PAX1: variants seen among roughly 807,000 people sequenced by gnomAD.
PAX1 encodes the protein paired box 1, also known as paired box protein Pax-1.
In PAX1, 18 loss-of-function variants were observed where a neutral mutation model predicts 35.6. The observed-to-expected ratio is 0.50, with a 90% CI of 0.35 to 0.75. The LOEUF is 0.75. PAX1 is among the 30% of genes least tolerant of loss of function. The pLI, the probability that PAX1 is intolerant of heterozygous loss-of-function variation, is 0.01. For missense variants in PAX1, 760 were observed against 661.5 expected, an observed-to-expected ratio of 1.15 and a Z score of -1.63; for synonymous variants, 397 against 305.2, an observed-to-expected ratio of 1.30 and a Z score of -3.14.
chr20:21,708,050 G>C (rs993139148), intron 2 of PAX1, among the ~76,000 whole-genome samples: 2 of 152,240 alleles, frequency 1.3e-5, no homozygotes, highest in African/African-American at 4.8e-5. Context: ...GCACACACAA[G>C]GGCCCGGGGA....
Position 21,706,343 on chromosome 20 carries a change from C to A in PAX1, c.287-95C>A. 6.6e-7 allele frequency: 1 copy of A among 1,516,566 alleles called. No homozygotes were observed. The highest frequency in any genetic ancestry group is 9.1e-7 in the Non-Finnish European group (1 of 1,104,244). 93.9% of individuals were successfully genotyped at this position (1,516,566 alleles called of 1,614,324 possible). A position where few individuals can be genotyped will look rare whatever the true frequency, so the allele number is the denominator to read the frequency against. On this transcript the variant is annotated intron_variant, in intron 1 of 4. Coordinates refer to ENST00000613128, the MANE Select transcript of PAX1 (RefSeq NM_001257096.2). This position sits in a 1 kb window ranked among gnomAD's most constrained non-coding sequence, Gnocchi z 5.3. ...CCCACAGGTCACCTTTGGAAGTGCG[C>A]CTGGGTGCAGTCCCTCGCTCCGCGT...
Position 21,714,699 on chromosome 20 carries a change from G to C in PAX1, c.*137G>C. On this transcript the variant is annotated 3_prime_UTR_variant, in exon 5 of 5. Transcript: ENST00000613128. The stretch of plus-strand genomic sequence containing the variant: ...GGAGGAAGCCAGTGCCGGCCCGCGG[G>C]GTGCACGCCCAGCCAGCCCCCAGGC... 1 of 1,606,186 alleles carries C rather than the reference G, an allele frequency of 6.2e-7. No individual in the cohort carries two copies. The highest frequency in any genetic ancestry group is 8.5e-7 in the Non-Finnish European group (1 of 1,179,512).
At position 21,708,525 on chromosome 20, in the gene PAX1, G is replaced by A. The variant is rs541258320; in HGVS notation, c.917-33G>A. On this transcript the variant is annotated intron_variant, in intron 2 of 4. Coordinates refer to ENST00000613128, the MANE Select transcript of PAX1 (RefSeq NM_001257096.2). ...CACGTGTGCCCAGGGCAGATTCGGAGGCACCTTTTAATCCGTCCTCTCTCT... is the reference window on the plus strand; with the variant it reads ...CACGTGTGCCCAGGGCAGATTCGGAAGCACCTTTTAATCCGTCCTCTCTCT... 2.4e-5 allele frequency: 38 copies of A among 1,612,284 alleles called. No individual in the cohort carries two copies. In the South Asian group the frequency reaches 3.6e-4, roughly 15 times the overall value.
rs1412986180 is a variant in PAX1 at position 21,717,835 on chromosome 20, A to G, written c.*3273A>G. 3.3e-5 allele frequency: 5 copies of G among 152,256 alleles called. No individual in the cohort carries two copies. The highest frequency in any genetic ancestry group is 7.3e-5 in the Non-Finnish European group (5 of 68,050). 9.4% of individuals were successfully genotyped at this position (152,256 alleles called of 1,614,324 possible). A position where few individuals can be genotyped will look rare whatever the true frequency, so the allele number is the denominator to read the frequency against. On this transcript the variant is annotated 3_prime_UTR_variant, in exon 5 of 5. Coordinates refer to ENST00000613128, the MANE Select transcript of PAX1 (RefSeq NM_001257096.2). ...ACTCAAGCAGTACAGAAACATTAAA[A>G]TGAAAAGTGGAAGTTCTTCCTGCTC...
At chr20:21,713,380 T>G (rs200609565) in intron 4 of PAX1, among the ~76,000 whole-genome samples, 24,600 of 135,776 alleles carry the variant, frequency 0.18, 4,374 homozygotes, top group African/African-American at 0.47. Context: ...TTTCTTTTTT[T>G]TTTGTGTGTG....
chr20:21,712,630 A>G (rs898012757), intron 4 of PAX1, among the ~76,000 whole-genome samples: 1 of 152,258 alleles, frequency 6.6e-6, no homozygotes, highest in Non-Finnish European at 1.5e-5. Flanking sequence ...AATCAAATCT[A>G]TAAGATACTG....
intron 4 of PAX1, among the ~76,000 whole-genome samples, chr20:21,711,789 T>C (rs1289411641): frequency 1.3e-5 from 2 of 152,222 alleles, no homozygotes; most frequent in African/African-American, 2.4e-5. Context: ...GGATTTTTAC[T>C]CCTTACTGGT....
rs1205073129 is a variant in PAX1, at chr20:21,705,828, G to A, written c.116G>A (p.Arg39His). Reference protein sequence around the residue: ...GGSALRCRAQRVSSPRLGRRG... With the variant: ...GGSALRCRAQHVSSPRLGRRG... ...AGCGCGCTCCGCTGCCGCGCACAGC[G>A]CGTCTCCAGCCCGCGGCTGGGCCGC... Residue 39 changes from arginine to histidine, a missense_variant, in exon 1 of 5, where the codon CGC (arginine) becomes CAC (histidine). This residue lies in a region of PAX1 where 222 missense variants were observed against 153.0 expected (regional missense o/e 1.45). Transcript: ENST00000613128. 2 of 1,348,774 alleles carry A rather than the reference G, an allele frequency of 1.5e-6. No homozygotes were observed. The highest frequency in any genetic ancestry group is 6.5e-5 in the East Asian group (2 of 30,550). 83.6% of individuals were successfully genotyped at this position (1,348,774 alleles called of 1,614,324 possible). A position where few individuals can be genotyped will look rare whatever the true frequency, so the allele number is the denominator to read the frequency against.
rs753394681 is a variant in PAX1, at chr20:21,706,944, G to T, written c.793G>T (p.Ala265Ser). The T allele has an allele frequency of 6.2e-7, 1 of 1,612,440 alleles. No homozygotes were observed. Among genetic ancestry groups the T allele is most frequent in the Non-Finnish European group, 8.5e-7 (1 of 1,179,506 alleles). ...CCCCAGTCCCGTGTCGCCCACGGGC[G>T]CCAAGATGGGCAGCCACCCCGGGGT... ...PYPSPVSPTG[A>S]KMGSHPGVPG... The change falls in exon 2 of 5, where the codon GCC (alanine) becomes TCC (serine). Residue 265 changes from alanine to serine, a missense_variant. Ala to Ser is a moderately conservative substitution (Grantham distance 99). Transcript: ENST00000613128. The surrounding 1 kb of genome is among the most constrained non-coding windows in gnomAD (Gnocchi z 5.3).
rs1181178107 is a variant in PAX1, at chr20:21,714,509, C to G, written c.1321C>G (p.Pro441Ala). ...GCCTCCCAGCTCCGGCAGCAAGGCCCCGGACGCCCTCAGTAGCTTACACGG... is the reference window on the plus strand; with the variant it reads ...GCCTCCCAGCTCCGGCAGCAAGGCCGCGGACGCCCTCAGTAGCTTACACGG... ...RKPPSSGSKA[P>A]DALSSLHGLP... The change falls in exon 5 of 5, where the codon CCG (proline) becomes GCG (alanine). Residue 441 changes from proline to alanine, a missense_variant. By Grantham distance (27) the Pro-to-Ala change is conservative. Coordinates refer to ENST00000613128, the MANE Select transcript of PAX1 (RefSeq NM_001257096.2). 4 of 1,594,138 alleles carry G rather than the reference C, an allele frequency of 2.5e-6. No homozygotes were observed. In the Admixed American group the frequency reaches 5.2e-5, roughly 21 times the overall value.
intron 4 of PAX1, among the ~76,000 whole-genome samples, chr20:21,710,053 C>T (rs1404857247): frequency 8.8e-6 from 1 of 113,790 alleles, no homozygotes; most frequent in Non-Finnish European, 1.7e-5. Flanking sequence ...ACTCCAGGCT[C>T]AGGAGCTTTC....
chr20:21,711,807 C>T (rs553040165), intron 4 of PAX1, among the ~76,000 whole-genome samples: 2 of 152,192 alleles, frequency 1.3e-5, no homozygotes, highest in East Asian at 3.8e-4. Context: ...GGTAGAACAG[C>T]TGACTTCAAA....
In PAX1 at chr20:21,716,505, T is replaced by C. The variant is rs1985376259; in HGVS notation, c.*1943T>C. 7.2e-6 allele frequency: 1 copy of C among 139,292 alleles called. No individual in the cohort carries two copies. The highest frequency in any genetic ancestry group is 3.0e-5 in the African/African-American group (1 of 33,246). 8.6% of individuals were successfully genotyped at this position (139,292 alleles called of 1,614,324 possible). A position where few individuals can be genotyped will look rare whatever the true frequency, so the allele number is the denominator to read the frequency against. ...TTCTTCTCAGATTCAAAGTCTCTTG[T>C]CTTTTTTTTTTTTTTTTTTTAAAGT... On this transcript the variant is annotated 3_prime_UTR_variant, in exon 5 of 5. Transcript: ENST00000613128.
Position 21,706,827 on chromosome 20 carries a change from G to C in PAX1, c.676G>C (p.Gly226Arg), listed in dbSNP as rs757176395. 396 of 1,613,496 alleles carry C rather than the reference G, an allele frequency of 2.5e-4. No individual in the cohort carries two copies. Among genetic ancestry groups the C allele is most frequent in the Non-Finnish European group, 3.3e-4 (388 of 1,180,036 alleles). ...CAGCCGCATCCTGCGCAACAAGATC[G>C]GCAGCCTGGCGCAGCCCGGACCGTA... Reference protein sequence around the residue: ...SISRILRNKIGSLAQPGPYEA... With the variant: ...SISRILRNKIRSLAQPGPYEA... The change falls in exon 2 of 5, where the codon GGC (glycine) becomes CGC (arginine). Residue 226 changes from glycine to arginine, a missense_variant. By Grantham distance (125) the Gly-to-Arg change is moderately radical (BLOSUM62 -2). Around this residue, in one of 3 missense-constraint regions of PAX1, gnomAD observed 490 missense variants for 428.4 expected, o/e 1.14. Transcript: ENST00000613128. The surrounding 1 kb of genome is among the most constrained non-coding windows in gnomAD (Gnocchi z 5.3).
intron 4 of PAX1, among the ~76,000 whole-genome samples, chr20:21,713,217 G>A (rs1985251730): frequency 6.6e-6 from 1 of 152,178 alleles, no homozygotes; most frequent in Non-Finnish European, 1.5e-5. Context: ...TGAAGTGTGT[G>A]TCCACGGTAG....
chr20:21,717,578 T>G lies in PAX1; in HGVS notation c.*3016T>G, dbSNP rs535136229. The G allele has an allele frequency of 6.6e-6, 1 of 152,220 alleles. No homozygotes were observed. The highest frequency in any genetic ancestry group is 6.5e-5 in the Admixed American group (1 of 15,286). The allele number at this position is 152,220 out of a possible 1,614,324, so 9.4% of individuals were successfully genotyped here. On this transcript the variant is annotated 3_prime_UTR_variant, in exon 5 of 5. Coordinates refer to ENST00000613128, the MANE Select transcript of PAX1 (RefSeq NM_001257096.2). Reference sequence around the variant, plus strand: ...CTTTTGCTCTTTGTTCGTATGGATCTGTGGAGGAACTGAGAGCTCATAATA... The same window carrying G: ...CTTTTGCTCTTTGTTCGTATGGATCGGTGGAGGAACTGAGAGCTCATAATA...
In PAX1 at chr20:21,706,242, C is replaced by T. The variant is rs758421667; in HGVS notation, c.287-196C>T. 3.5e-5 allele frequency: 29 copies of T among 821,284 alleles called. No homozygotes were observed. In the South Asian group the frequency reaches 3.6e-4, roughly 10 times the overall value. 50.9% of individuals were successfully genotyped at this position (821,284 alleles called of 1,614,324 possible). A position where few individuals can be genotyped will look rare whatever the true frequency, so the allele number is the denominator to read the frequency against. On this transcript the variant is annotated intron_variant, in intron 1 of 4. Coordinates refer to ENST00000613128, the MANE Select transcript of PAX1 (RefSeq NM_001257096.2). The surrounding 1 kb of genome is among the most constrained non-coding windows in gnomAD (Gnocchi z 5.3). The stretch of plus-strand genomic sequence containing the variant: ...GGCTACAATGCGCCGCGCTCCACTC[C>T]GCGGCTCCTCTGCGCCCTTGCCCAC...
At position 21,715,992 on chromosome 20, in the gene PAX1, G is replaced by A. The variant is rs1175903892; in HGVS notation, c.*1430G>A. The A allele has an allele frequency of 6.6e-6, 1 of 152,282 alleles. No homozygotes were observed. Among genetic ancestry groups the A allele is most frequent in the African/African-American group, 2.4e-5 (1 of 41,450 alleles). 9.4% of individuals were successfully genotyped at this position (152,282 alleles called of 1,614,324 possible). A position where few individuals can be genotyped will look rare whatever the true frequency, so the allele number is the denominator to read the frequency against. On this transcript the variant is annotated 3_prime_UTR_variant, in exon 5 of 5. Transcript: ENST00000613128. Reference sequence around the variant, plus strand: ...AAGCGTCTGAAAGGTGTGTGGTGAGGTGAGCAAGTCTGTTTCTGAGCGCAG... The same window carrying A: ...AAGCGTCTGAAAGGTGTGTGGTGAGATGAGCAAGTCTGTTTCTGAGCGCAG...
rs370808847 is a variant in PAX1 at position 21,708,296 on chromosome 20, C to T, written c.917-262C>T. 35 of 597,932 alleles carry T rather than the reference C, an allele frequency of 5.9e-5. 1 individual carries two copies. Among genetic ancestry groups the T allele is most frequent in the East Asian group, 2.6e-4 (9 of 34,622 alleles). 37.0% of individuals were successfully genotyped at this position (597,932 alleles called of 1,614,324 possible). On this transcript the variant is annotated intron_variant, in intron 2 of 4. Coordinates refer to ENST00000613128, the MANE Select transcript of PAX1 (RefSeq NM_001257096.2). ...GCCGCTTTGGCCGAGTCTGCCCAGG[C>T]TTTGACTCAGCAGCAGCCTCCCGTT...
Sources: allele counts gnomAD v4.1 joint callset (sites outside exome capture counted in the v4.1 genomes callset), GRCh38; gene constraint gnomAD v4.1.1; regional missense constraint gnomAD v4.1.1; non-coding constraint Gnocchi (gnomAD v3.1); transcripts MANE v1.5; gene names NCBI Gene and HGNC (gene_info 2026-07-23, HGNC 2026-07-21).